Variants in MCF2L2 observed in about 807,000 individuals in gnomAD.
MCF2L2 encodes probable guanine nucleotide exchange factor MCF2L2.
MCF2L2 carries 102 observed loss-of-function variants against 150.2 expected under a neutral mutation model. The ratio of observed to expected loss-of-function variants is 0.68; its 90% confidence interval spans 0.58 to 0.80. The LOEUF (loss-of-function observed/expected upper bound fraction) is 0.80, where lower values mean the gene tolerates loss of function less well. MCF2L2 is among the 30% of genes least tolerant of loss of function. The pLI is 0.00. For missense variants in MCF2L2, 1,256 were observed against 1,372.8 expected, an observed-to-expected ratio of 0.91 and a Z score of 1.34; for synonymous variants, 465 against 491.3, an observed-to-expected ratio of 0.95 and a Z score of 0.71.
chr3:183,311,603 T>C (rs753161789), intron 8 of MCF2L2, 45 bp downstream of exon 8: 3 of 1,610,556 alleles, frequency 1.9e-6, no homozygotes, highest in Non-Finnish European at 2.5e-6. Flanking sequence ...CATCTAGGTC[T>C]ACATATTCTC....
intron 2 of MCF2L2, among the ~76,000 whole-genome samples, chr3:183,385,882 G>C (rs562054978): frequency 6.6e-6 from 1 of 152,318 alleles, no homozygotes; most frequent in Admixed American, 6.5e-5. Context: ...CAGAACCAAA[G>C]AAGCCAGCAT....
intron 1 of MCF2L2, among the ~76,000 whole-genome samples, chr3:183,408,520 C>T (rs1339949184): frequency 1.3e-5 from 2 of 152,198 alleles, no homozygotes; most frequent in Admixed American, 6.5e-5. Context: ...TATCCCCACT[C>T]CTTCATATCC....
intron 21 of MCF2L2, 128 bp from the exon 22 acceptor site, chr3:183,216,222 G>T: frequency 2.0e-6 from 2 of 998,034 alleles, no homozygotes; most frequent in Non-Finnish European, 3.0e-6. Flanking sequence ...ATATTGATCT[G>T]TCTCCCTGCT....
intron 1 of MCF2L2, among the ~76,000 whole-genome samples, chr3:183,393,012 G>A (rs1168679651): frequency 6.6e-6 from 1 of 152,138 alleles, no homozygotes; most frequent in Non-Finnish European, 1.5e-5. Context: ...AGTACACTCT[G>A]AGTCTCAGTG....
chr3:183,272,662 GT>G (rs1402296957), intron 15 of MCF2L2: 1 of 1,003,310 alleles, frequency 1.0e-6, no homozygotes, highest in African/African-American at 1.7e-5. Context: ...GATCATTACA[GT>G]TTAAGTTTTC....
Position 183,179,291 on chromosome 3 carries a change from C to A in MCF2L2, c.*89G>T. 3.0e-6 allele frequency: 4 copies of A among 1,355,810 alleles called. No homozygotes were observed. The highest frequency in any genetic ancestry group is 1.8e-5 in the South Asian group (1 of 55,676). 84.0% of individuals were successfully genotyped at this position (1,355,810 alleles called of 1,614,324 possible). A position where few individuals can be genotyped will look rare whatever the true frequency, so the allele number is the denominator to read the frequency against. On this transcript the variant is annotated 3_prime_UTR_variant, in exon 30 of 30. Coordinates refer to ENST00000328913, the MANE Select transcript of MCF2L2 (RefSeq NM_015078.4). This position sits in a 1 kb window ranked among gnomAD's most constrained non-coding sequence, Gnocchi z 4.2. ...CCGCCGAGGCTCCGGCTGCTTTCTG[C>A]GTAGCTGGGCAGGGCCCGGGCCCCC...
chr3:183,206,492 G>A (rs759946784), intron 23 of MCF2L2, among the ~76,000 whole-genome samples: 4 of 152,170 alleles, frequency 2.6e-5, no homozygotes, highest in African/African-American at 9.7e-5. Context: ...TCAGTGAAGA[G>A]ATCATTTCTC....
chr3:183,200,720 T>A (rs1722249159), intron 25 of MCF2L2, among the ~76,000 whole-genome samples: 1 of 152,198 alleles, frequency 6.6e-6, no homozygotes, highest in African/African-American at 2.4e-5. Context: ...CTGAATGGTA[T>A]TGCCTAGGTT....
chr3:183,244,061 T>G (rs113355659), intron 15 of MCF2L2, among the ~76,000 whole-genome samples: 2,540 of 152,012 alleles, frequency 0.017, 68 homozygotes, highest in African/African-American at 0.056. Flanking sequence ...GAGGCGGAGC[T>G]TGCAGTGAGC....
chr3:183,300,652 G>A (rs1011349559), intron 10 of MCF2L2, among the ~76,000 whole-genome samples: 24 of 152,158 alleles, frequency 1.6e-4, no homozygotes, highest in African/African-American at 4.8e-4. Flanking sequence ...AGAGTGGGGG[G>A]TGAGCTGAAG....
intron 10 of MCF2L2, among the ~76,000 whole-genome samples, 193 bp from the exon 11 acceptor site, chr3:183,300,389 T>C (rs1020154356): frequency 6.6e-6 from 1 of 152,208 alleles, no homozygotes; most frequent in Non-Finnish European, 1.5e-5. Context: ...GTTGTCCACA[T>C]GCTGAACAAC....
intron 1 of MCF2L2, among the ~76,000 whole-genome samples, chr3:183,412,143 T>C (rs527521903): frequency 6.6e-6 from 1 of 152,166 alleles, no homozygotes; most frequent in Admixed American, 6.5e-5. Flanking sequence ...TACAAGCAAA[T>C]AAGAAGCAAT....
At chr3:183,425,148 C>A (rs972126039) in intron 1 of MCF2L2, among the ~76,000 whole-genome samples, 1 of 152,046 alleles carries the variant, frequency 6.6e-6, no homozygotes, top group African/African-American at 2.4e-5. Context: ...AGGATTGAGG[C>A]AGGCAGCAGT....
intron 3 of MCF2L2, chr3:183,379,089 G>A (rs1251876532): frequency 7.7e-6 from 4 of 518,260 alleles, no homozygotes; most frequent in Non-Finnish European, 1.3e-5. Context: ...GCACAAGAGA[G>A]TCAAAACTGA....
Position 183,305,623 on chromosome 3 carries a change from G to A in MCF2L2, c.1113+4093C>T, listed in dbSNP as rs139051243. 6.1e-3 allele frequency among the ~76,000 whole-genome samples: 936 copies of A among 152,294 alleles called. 12 individuals are homozygous for A. Among genetic ancestry groups the A allele is most frequent in the African/African-American group, 0.021 (888 of 41,548 alleles). ...CCCAGCACTTTGGGAAGCCAAGGCC[G>A]GCGGATCACAAGGTCAGGAGTTAGA... On this transcript the variant is annotated intron_variant, in intron 10 of 29. Transcript: ENST00000328913. This position sits in a 1 kb window ranked among gnomAD's most constrained non-coding sequence, Gnocchi z 4.1.
chr3:183,304,125 CA>C (rs962024138), intron 10 of MCF2L2, among the ~76,000 whole-genome samples: 1 of 152,174 alleles, frequency 6.6e-6, no homozygotes, highest in Non-Finnish European at 1.5e-5. Flanking sequence ...TCACCTTCTC[CA>C]GAAAACTTTC....
intron 3 of MCF2L2, among the ~76,000 whole-genome samples, chr3:183,341,876 C>T (rs1730711341): frequency 6.6e-6 from 1 of 152,206 alleles, no homozygotes; most frequent in South Asian, 2.1e-4. Context: ...ACCAAAGGAA[C>T]ACGTGTTCAA....
At chr3:183,203,201 AGACTCT>A (rs762927715) in intron 25 of MCF2L2, among the ~76,000 whole-genome samples, 32 of 152,328 alleles carry the variant, frequency 2.1e-4, no homozygotes, top group Non-Finnish European at 4.4e-4. Context: ...CTACAGAGCA[AGACTCT>A]GTCTCAAAAA....
intron 27 of MCF2L2, among the ~76,000 whole-genome samples, chr3:183,188,367 G>A (rs773949271): frequency 7.6e-4 from 115 of 152,160 alleles, no homozygotes; most frequent in Admixed American, 3.3e-3. Context: ...CAATGTCCCC[G>A]TGTTCATCAC....
Sources: gnomAD v4.1 joint callset for allele counts (sites outside exome capture counted in the v4.1 genomes callset) on GRCh38, gnomAD v4.1.1 for gene constraint, Gnocchi (gnomAD v3.1) non-coding constraint, MANE v1.5 for transcripts, NCBI Gene and HGNC (gene_info 2026-07-23, HGNC 2026-07-21) for gene names.